Variants in DOC2B observed in about 807,000 individuals in gnomAD.
DOC2B encodes the protein double C2-like domain-containing protein beta.
Under a neutral mutation model 28.9 loss-of-function variants are expected in DOC2B, and 21 were observed. The observed-to-expected ratio is 0.73, with a 90% CI of 0.52 to 1.05. DOC2B has a LOEUF of 1.05. Among genes scored for constraint, DOC2B ranks in the 50% least tolerant of loss-of-function variants. The probability of loss-of-function intolerance (pLI) is 0.00; values close to 1 mark genes in which losing one functional copy is unlikely to be tolerated. For missense variants in DOC2B, 384 were observed against 421.1 expected, an observed-to-expected ratio of 0.91 and a Z score of 0.77; for synonymous variants, 194 against 178.1, an observed-to-expected ratio of 1.09 and a Z score of -0.71.
intron 6 of DOC2B, 22 bp downstream of exon 6, chr17:156,198 G>C: frequency 6.5e-7 from 1 of 1,532,158 alleles, no homozygotes; most frequent in Admixed American, 2.0e-5. Context: ...GTGGCAGGTG[G>C]TCACGCGCAC....
chr17:164,591 T>C (rs1054253672), intron 2 of DOC2B, among the ~76,000 whole-genome samples: 7 of 152,058 alleles, frequency 4.6e-5, no homozygotes, highest in Non-Finnish European at 1.0e-4. Flanking sequence ...TGCCCCTCAC[T>C]GACCCTAAAT....
Position 181,221 on chromosome 17 carries a change from A to G in DOC2B, c.259T>C (p.Phe87Leu). 1 of 1,221,466 alleles carries G rather than the reference A, an allele frequency of 8.2e-7. No individual in the cohort carries two copies. Among genetic ancestry groups the G allele is most frequent in the Non-Finnish European group, 1.0e-6 (1 of 981,194 alleles). The allele number at this position is 1,221,466 out of a possible 1,614,324, so 75.7% of individuals were successfully genotyped here. Residue 87 changes from phenylalanine (F) to leucine (L), a missense_variant, in exon 1 of 9, where the codon TTC becomes CTC. Transcript: ENST00000613549. The surrounding 1 kb of genome is among the most constrained non-coding windows in gnomAD (Gnocchi z 7.0). ...REDDEDVDQLFGAYGSSPGPS... is the reference protein window; with the variant it reads ...REDDEDVDQLLGAYGSSPGPS... ...CCCGGGCTGGAGCCGTAGGCTCCGA[A>G]GAGCTGGTCCACATCCTCGTCGTCC...
At chr17:164,103 T>G (rs2040234610) in intron 3 of DOC2B, 27 bp downstream of exon 3, 3 of 1,529,408 alleles carry the variant, frequency 2.0e-6, no homozygotes, top group Non-Finnish European at 2.7e-6. Context: ...GTGCAGCTGG[T>G]GGGCAGGCCT....
At chr17:152,531 G>A (rs2040083975) in intron 6 of DOC2B, among the ~76,000 whole-genome samples, 2 of 152,148 alleles carry the variant, frequency 1.3e-5, no homozygotes, top group South Asian at 4.1e-4. Context: ...ACTTTGGGAG[G>A]CCGAGCTAGG....
Position 162,958 on chromosome 17 carries a change from C to G in DOC2B, c.529-768G>C, listed in dbSNP as rs113552025. Among the ~76,000 whole-genome samples, 24 of 152,184 alleles carry G rather than the reference C, an allele frequency of 1.6e-4. 1 individual carries two copies. Among genetic ancestry groups the G allele is most frequent in the Non-Finnish European group, 3.2e-4 (22 of 68,028 alleles). On this transcript the variant is annotated intron_variant, in intron 3 of 8. Coordinates refer to ENST00000613549, the MANE Select transcript of DOC2B (RefSeq NM_003585.5). ...GCGGCTCTGAGCTCCTTGTCTGAATCGGTCTGATGCCTGCCACACCCGGCC... is the reference window on the plus strand; with the variant it reads ...GCGGCTCTGAGCTCCTTGTCTGAATGGGTCTGATGCCTGCCACACCCGGCC...
At chr17:156,731 T>C (rs1005923643) in intron 5 of DOC2B, among the ~76,000 whole-genome samples, 1 of 152,172 alleles carries the variant, frequency 6.6e-6, no homozygotes, top group African/African-American at 2.4e-5. Context: ...CTCTTACCCT[T>C]ATCTTAAACA....
chr17:162,234 C>T, intron 3 of DOC2B, 44 bp from the exon 4 acceptor site: 1 of 1,424,236 alleles, frequency 7.0e-7, no homozygotes, highest in African/African-American at 1.4e-5. Context: ...AAGTGTGTAT[C>T]AAACAGAACA....
chr17:157,113 C>T (rs1457286703), intron 5 of DOC2B, among the ~76,000 whole-genome samples: 4 of 152,238 alleles, frequency 2.6e-5, no homozygotes, highest in South Asian at 2.1e-4. Context: ...CGGCCCTTCA[C>T]GGGTCTGCAG....
In DOC2B at chr17:148,159, C is replaced by T; in HGVS notation, c.1102+14G>A. The T allele has an allele frequency of 2.5e-6, 1 of 398,588 alleles. No individual in the cohort carries two copies. The allele number at this position is 398,588 out of a possible 1,614,324, so 24.7% of individuals were successfully genotyped here. ...GGCACACAGTGAGACGGTGTTCCCA[C>T]TATGCCCCCTTACCAATGAAATCGT... On this transcript the variant is annotated intron_variant, in intron 8 of 8. Coordinates refer to ENST00000613549, the MANE Select transcript of DOC2B (RefSeq NM_003585.5).
chr17:169,897 C>T (rs8073619), intron 2 of DOC2B, among the ~76,000 whole-genome samples: 110,310 of 152,104 alleles, frequency 0.73, 41,046 homozygotes, highest in East Asian at 0.86. Context: ...CTTCTGATAC[C>T]TGAGGGATAC....
chr17:154,677 A>G (rs992545750), intron 6 of DOC2B, among the ~76,000 whole-genome samples: 9 of 152,146 alleles, frequency 5.9e-5, no homozygotes, highest in African/African-American at 2.2e-4. Context: ...TAACTTTCTG[A>G]GGAACTATCA....
intron 2 of DOC2B, among the ~76,000 whole-genome samples, chr17:172,326 C>T (rs1717472425): frequency 6.6e-6 from 1 of 152,168 alleles, no homozygotes; most frequent in African/African-American, 2.4e-5. Flanking sequence ...TTCTTTGCTC[C>T]CCGCAATGCC....
chr17:150,764 A>C (rs991553522), intron 6 of DOC2B, among the ~76,000 whole-genome samples: 1 of 152,226 alleles, frequency 6.6e-6, no homozygotes, highest in Non-Finnish European at 1.5e-5. Flanking sequence ...AATTGCAAAC[A>C]ACCACACGCC....
intron 2 of DOC2B, among the ~76,000 whole-genome samples, chr17:166,687 T>C (rs1352538992): frequency 4.0e-5 from 6 of 151,854 alleles, no homozygotes; most frequent in African/African-American, 1.5e-4. Flanking sequence ...CGAGATCTCA[T>C]GGTCTGACAC....
At position 151,807 on chromosome 17, in the gene DOC2B, TCTGGTGACCC is replaced by T. The variant is rs372862377; in HGVS notation, c.924-2625_924-2616del. Among the ~76,000 whole-genome samples, 375 of 152,326 alleles carry T rather than the reference TCTGGTGACCC, an allele frequency of 2.5e-3. 2 individuals are homozygous for T. Among genetic ancestry groups the T allele is most frequent in the African/African-American group, 8.8e-3 (364 of 41,586 alleles). The stretch of plus-strand genomic sequence containing the variant: ...CCTCAGCCTGGACAACTTGTGCCCA[TCTGGTGACCC>T]CTCACTCAGCCACCAGACTTCCACG... On this transcript the variant is annotated intron_variant, in intron 6 of 8. Coordinates refer to ENST00000613549, the MANE Select transcript of DOC2B (RefSeq NM_003585.5).
Position 161,451 on chromosome 17 carries a change from G to T in DOC2B, c.729C>A (p.Thr243=). Residue 243 remains threonine, a synonymous_variant, in exon 5 of 9, where the codon ACC becomes ACA. Transcript: ENST00000613549. ...VPLKKLKPNH[T]KTFSICLEKQ... ...TCTCCAGGCAGATGCTGAAGGTCTT[G>T]GTGTGGTTGGGTTTCAGCTTCTTCA... The T allele has an allele frequency of 1.3e-6, 2 of 1,551,698 alleles. No individual in the cohort carries two copies. Among genetic ancestry groups the T allele is most frequent in the Middle Eastern group, 1.7e-4 (1 of 5,990 alleles).
At chr17:176,402 C>CG (rs996162166) in intron 1 of DOC2B, among the ~76,000 whole-genome samples, 23 of 129,494 alleles carry the variant, frequency 1.8e-4, no homozygotes, top group East Asian at 1.0e-3. Context: ...GCGGGGGGTG[C>CG]GGGGGGGTAG....
intron 5 of DOC2B, among the ~76,000 whole-genome samples, chr17:158,266 C>A (rs113292397): frequency 4.3e-4 from 66 of 152,018 alleles, no homozygotes; most frequent in South Asian, 4.2e-4. Flanking sequence ...GGCCCTCAGC[C>A]CCCCCAGACA....
chr17:179,217 T>C (rs1234492349), intron 1 of DOC2B, among the ~76,000 whole-genome samples: 1 of 152,152 alleles, frequency 6.6e-6, no homozygotes, highest in Non-Finnish European at 1.5e-5. Context: ...AGCTCTGCCC[T>C]GCACTGCTGA....
Sources: allele counts gnomAD v4.1 joint callset (sites outside exome capture counted in the v4.1 genomes callset), GRCh38; gene constraint gnomAD v4.1.1; non-coding constraint Gnocchi (gnomAD v3.1); transcripts MANE v1.5; gene names NCBI Gene and HGNC (gene_info 2026-07-23, HGNC 2026-07-21).